Variants in CDH18 observed in about 807,000 individuals in gnomAD.
The protein encoded by CDH18 is cadherin-18.
CDH18 carries 31 observed loss-of-function variants against 67.9 expected under a neutral mutation model. The ratio of observed to expected loss-of-function variants is 0.46; its 90% CI spans 0.34 to 0.62. The LOEUF (loss-of-function observed/expected upper bound fraction) is 0.62, where lower values mean the gene tolerates loss of function less well. Ranked by LOEUF, CDH18 falls within the 20% of genes least tolerant of loss-of-function variation. CDH18 has a pLI of 0.01. For synonymous variants in CDH18, 362 were observed against 347.2 expected (o/e 1.04, Z -0.48); for missense variants, 890 against 975.5 (o/e 0.91, Z 1.17).
intron 11 of CDH18, among the ~76,000 whole-genome samples, chr5:19,489,376 T>C (rs918713313): frequency 1.1e-4 from 16 of 151,548 alleles, no homozygotes; most frequent in Admixed American, 1.1e-3. Flanking sequence ...GCCTCCAAAG[T>C]AGCTGGGACT....
At chr5:20,516,876 T>G (rs989686486) in intron 1 of CDH18, among the ~76,000 whole-genome samples, 5 of 152,058 alleles carry the variant, frequency 3.3e-5, no homozygotes, top group Admixed American at 1.3e-4. Context: ...GTTGACAAAT[T>G]ACGTGTTTTC....
At chr5:20,039,681 T>C (rs1740227893) in intron 2 of CDH18, among the ~76,000 whole-genome samples, 1 of 152,148 alleles carries the variant, frequency 6.6e-6, no homozygotes, top group South Asian at 2.1e-4. Context: ...CCTTACACCT[T>C]ATACAAAAAT....
intron 2 of CDH18, among the ~76,000 whole-genome samples, chr5:20,250,533 C>T (rs552678948): frequency 6.7e-6 from 1 of 149,230 alleles, no homozygotes; most frequent in East Asian, 2.0e-4. Flanking sequence ...CCTCGTGATC[C>T]GCCCACCTCA....
chr5:20,375,851 G>C (rs1024201297), intron 1 of CDH18, among the ~76,000 whole-genome samples: 5 of 151,832 alleles, frequency 3.3e-5, no homozygotes, highest in African/African-American at 1.2e-4. Context: ...CTCGGGACTG[G>C]GAAGAAAAAT....
intron 1 of CDH18, among the ~76,000 whole-genome samples, chr5:20,528,229 T>A (rs1756185565): frequency 6.6e-6 from 1 of 152,026 alleles, no homozygotes; most frequent in Non-Finnish European, 1.5e-5. Flanking sequence ...TAAATATGTA[T>A]GCACCCAATA....
chr5:20,162,987 A>G (rs1736006865), intron 2 of CDH18, among the ~76,000 whole-genome samples: 2 of 151,908 alleles, frequency 1.3e-5, no homozygotes, highest in Admixed American at 1.3e-4. Context: ...TGAACCCGGG[A>G]GGCGGAGGTT....
intron 1 of CDH18, among the ~76,000 whole-genome samples, chr5:20,334,412 C>T (rs1192307649): frequency 1.3e-5 from 2 of 151,910 alleles, no homozygotes; most frequent in East Asian, 3.9e-4. Flanking sequence ...GCTGGGATTA[C>T]AGGCGTGAGC....
At chr5:20,231,616 G>A (rs1201827847) in intron 2 of CDH18, among the ~76,000 whole-genome samples, 6 of 147,582 alleles carry the variant, frequency 4.1e-5, no homozygotes, top group Non-Finnish European at 9.0e-5. Flanking sequence ...GAAAAAAAAA[G>A]AAAAGAAAAG....
rs762152610 is a variant in CDH18, at chr5:19,503,128, C to T, written c.1513-19G>A. 3 of 1,237,694 alleles carry T rather than the reference C, an allele frequency of 2.4e-6. No homozygotes were observed. The highest frequency in any genetic ancestry group is 1.9e-4 in the Middle Eastern group (1 of 5,268). 76.7% of individuals were successfully genotyped at this position (1,237,694 alleles called of 1,614,324 possible). ...GAATAACCTAAAGAAAAGACAAACT[C>T]TAAATCGTAAATTTAATTTTGCTTG... On this transcript the variant is annotated intron_variant, in intron 10 of 12. Transcript: ENST00000382275.
chr5:19,624,266 C>T (rs1251143914), intron 5 of CDH18, among the ~76,000 whole-genome samples: 1 of 151,990 alleles, frequency 6.6e-6, no homozygotes, highest in African/African-American at 2.4e-5. Context: ...CTCAGCCTCC[C>T]AAAGTGCTGG....
intron 2 of CDH18, among the ~76,000 whole-genome samples, chr5:19,861,689 T>C (rs537343932): frequency 6.6e-6 from 1 of 152,068 alleles, no homozygotes; most frequent in Non-Finnish European, 1.5e-5. Context: ...TATTAGTAAA[T>C]CCAATATGGG....
At chr5:20,563,123 C>T (rs1279628664) in intron 1 of CDH18, among the ~76,000 whole-genome samples, 1 of 151,518 alleles carries the variant, frequency 6.6e-6, no homozygotes, top group Non-Finnish European at 1.5e-5. Flanking sequence ...GGAGTTATAA[C>T]ATGACAGCAA....
In CDH18 at chr5:19,612,492, A is replaced by G; in HGVS notation, c.753T>C (p.Ser251=). 1 of 1,614,108 alleles carries G rather than the reference A, an allele frequency of 6.2e-7. No individual in the cohort carries two copies. Among genetic ancestry groups the G allele is most frequent in the East Asian group, 2.2e-5 (1 of 44,858 alleles). ...CGGTTAAGGTGATGTTGACTGTTGT[A>G]GATCCTGAAAGCCCTCCAACTTGCC... ...MAGQVGGLSG[S]TTVNITLTDV... is the part of the protein sequence containing the mutation. The change falls in exon 6 of 13, where the codon TCT becomes TCC. Residue 251 remains serine (S), a synonymous_variant. Transcript: ENST00000382275.
intron 2 of CDH18, among the ~76,000 whole-genome samples, chr5:20,230,243 G>A (rs1207708919): frequency 6.6e-6 from 1 of 152,044 alleles, no homozygotes; most frequent in African/African-American, 2.4e-5. Flanking sequence ...CACTACCCCA[G>A]GAATCAGGGA....
At chr5:19,968,255 G>C (rs553088558) in intron 2 of CDH18, among the ~76,000 whole-genome samples, 2 of 151,658 alleles carry the variant, frequency 1.3e-5, no homozygotes, top group South Asian at 4.1e-4. Flanking sequence ...TCGTGAAAAT[G>C]GCCATACTGC....
intron 4 of CDH18, among the ~76,000 whole-genome samples, chr5:19,730,227 C>G (rs1767412417): frequency 6.6e-6 from 1 of 152,132 alleles, no homozygotes; most frequent in African/African-American, 2.4e-5. Context: ...TTCAGTCCCT[C>G]CATTTTTGTA....
intron 1 of CDH18, among the ~76,000 whole-genome samples, chr5:20,411,254 A>T (rs1306574178): frequency 1.3e-5 from 2 of 152,048 alleles, no homozygotes; most frequent in Non-Finnish European, 1.5e-5. Flanking sequence ...CATAAAAACC[A>T]ACATATAGAC....
intron 5 of CDH18, among the ~76,000 whole-genome samples, chr5:19,720,097 AC>A (rs1220143684): frequency 2.6e-5 from 4 of 152,100 alleles, no homozygotes; most frequent in Non-Finnish European, 5.9e-5. Flanking sequence ...CTCTTGGTAA[AC>A]AATCTAGTGG....
At chr5:20,042,841 A>T (rs1311196374) in intron 2 of CDH18, among the ~76,000 whole-genome samples, 1 of 152,100 alleles carries the variant, frequency 6.6e-6, no homozygotes, top group Non-Finnish European at 1.5e-5. Context: ...GGGCGCCTGT[A>T]GTCCCAGCTA....
Sources: allele counts gnomAD v4.1 joint callset (sites outside exome capture counted in the v4.1 genomes callset), GRCh38; gene constraint gnomAD v4.1.1; transcripts MANE v1.5; gene names NCBI Gene and HGNC (gene_info 2026-07-23, HGNC 2026-07-21).